Variants in USH2A observed in about 807,000 individuals in gnomAD.
USH2A encodes the protein Usher syndrome 2A (autosomal recessive, mild).
USH2A carries 443 observed loss-of-function variants against 538.9 expected under a neutral mutation model. The observed-to-expected ratio is 0.82, with a 90% CI of 0.76 to 0.89. USH2A has a LOEUF of 0.89. Ranked by LOEUF, USH2A falls within the 40% of genes least tolerant of loss-of-function variation. The pLI, the probability that USH2A is intolerant of heterozygous loss-of-function variation, is 0.00. For missense variants in USH2A, 6,633 were observed against 6,324.8 expected (o/e 1.05, Z -1.65); for synonymous variants, 2,413 against 2,273.5 (o/e 1.06, Z -1.75).
chr1:216,300,951 T>C (rs2102622288), intron 9 of USH2A, among the ~76,000 whole-genome samples: 1 of 152,072 alleles, frequency 6.6e-6, no homozygotes, highest in East Asian at 1.9e-4. Flanking sequence ...GGTTTCACCT[T>C]GTTGCCCAGG....
intron 41 of USH2A, among the ~76,000 whole-genome samples, chr1:215,884,667 G>T (rs555208853): frequency 6.6e-6 from 1 of 152,098 alleles, no homozygotes; most frequent in Non-Finnish European, 1.5e-5. Flanking sequence ...TTTGTCTGTG[G>T]TTTATTTTAA....
intron 5 of USH2A, 45 bp downstream of exon 5, chr1:216,327,546 T>C (rs1217905050): frequency 1.2e-6 from 2 of 1,602,774 alleles, no homozygotes; most frequent in South Asian, 2.2e-5. Flanking sequence ...GAATTCAGCA[T>C]TTATCCTTTC....
At chr1:215,885,301 A>G (rs140494019) in intron 41 of USH2A, among the ~76,000 whole-genome samples, 1,700 of 152,100 alleles carry the variant, frequency 0.011, 18 homozygotes, top group Middle Eastern at 0.027. Flanking sequence ...TTGATGTTGA[A>G]CCATCCTTAC....
intron 9 of USH2A, among the ~76,000 whole-genome samples, chr1:216,299,270 TA>T (rs895651774): frequency 0.05 from 7,040 of 140,334 alleles, 490 homozygotes; most frequent in African/African-American, 0.16. Flanking sequence ...TTCCAATTCC[TA>T]AAAAAAAAAA....
chr1:216,181,014 C>G (rs543700319), intron 20 of USH2A, among the ~76,000 whole-genome samples: 5 of 152,242 alleles, frequency 3.3e-5, no homozygotes, highest in African/African-American at 1.2e-4. Flanking sequence ...CCGAAACTCT[C>G]AGGGGTGACT....
intron 69 of USH2A, among the ~76,000 whole-genome samples, chr1:215,635,963 G>A (rs1656468519): frequency 6.6e-6 from 1 of 151,836 alleles, no homozygotes; most frequent in African/African-American, 2.4e-5. Flanking sequence ...GCTAAGCAGG[G>A]GTGCGGCAGG....
intron 11 of USH2A, among the ~76,000 whole-genome samples, chr1:216,288,836 G>A (rs990175184): frequency 6.6e-6 from 1 of 152,156 alleles, no homozygotes; most frequent in Non-Finnish European, 1.5e-5. Flanking sequence ...GTACTTTTAA[G>A]AGGGAAAGTT....
chr1:215,729,691 T>G (rs1010845178), intron 60 of USH2A, among the ~76,000 whole-genome samples: 4 of 152,206 alleles, frequency 2.6e-5, no homozygotes, highest in Non-Finnish European at 5.9e-5. Flanking sequence ...AGTGCATTGA[T>G]GCAATCATGG....
intron 9 of USH2A, among the ~76,000 whole-genome samples, chr1:216,318,801 C>A (rs1276331609): frequency 6.6e-6 from 1 of 152,116 alleles, no homozygotes; most frequent in African/African-American, 2.4e-5. Context: ...AGTTCATAAT[C>A]CAACATTCAC....
At chr1:215,640,772 C>A (rs1256949106) in intron 67 of USH2A, 38 bp from the exon 68 acceptor site, 2 of 1,601,738 alleles carry the variant, frequency 1.2e-6, no homozygotes, top group East Asian at 4.5e-5. Flanking sequence ...AAAGGGTAAC[C>A]TCTTTGAAGG....
chr1:215,836,076 T>C (rs1212476151), intron 47 of USH2A, among the ~76,000 whole-genome samples: 1 of 152,104 alleles, frequency 6.6e-6, no homozygotes, highest in African/African-American at 2.4e-5. Flanking sequence ...TTATAAAGCT[T>C]AGACGTTATT....
chr1:216,146,578 G>T (rs914459596), intron 21 of USH2A, among the ~76,000 whole-genome samples: 6 of 152,042 alleles, frequency 3.9e-5, no homozygotes, highest in Non-Finnish European at 5.9e-5. Flanking sequence ...GGCAAGTCCC[G>T]CTTTCCTAGG....
At chr1:216,174,572 A>T in intron 21 of USH2A, 4 of 981,960 alleles carry the variant, frequency 4.1e-6, no homozygotes, top group Non-Finnish European at 4.8e-6. Flanking sequence ...TTTTAAAAAT[A>T]TTGCATTAAA....
intron 32 of USH2A, among the ~76,000 whole-genome samples, chr1:216,017,088 C>T (rs1668729800): frequency 6.6e-6 from 1 of 152,014 alleles, no homozygotes; most frequent in Admixed American, 6.6e-5. Context: ...AATATTGAAC[C>T]CAGGATTTTT....
At chr1:216,147,132 T>G (rs1470058706) in intron 21 of USH2A, among the ~76,000 whole-genome samples, 3 of 151,482 alleles carry the variant, frequency 2.0e-5, no homozygotes, top group Non-Finnish European at 4.4e-5. Context: ...CTTTCCCTCC[T>G]GCCTGTCCCC....
rs1460250943 is a variant in USH2A at position 215,844,332 on chromosome 1, G to A, written c.9220C>T (p.Leu3074=). 6.2e-6 allele frequency: 10 copies of A among 1,613,592 alleles called. No homozygotes were observed. The highest frequency in any genetic ancestry group is 8.5e-6 in the Non-Finnish European group (10 of 1,179,812). The change falls in exon 46 of 72, where the codon CTG becomes TTG. Residue 3074 remains leucine (L), a synonymous_variant. Coordinates refer to ENST00000307340, the MANE Select transcript of USH2A (RefSeq NM_206933.4). The part of the protein sequence containing the change: ...TGMNVPGSFI[L]RDLSPFTIYD... ...ATAGTGAAGGGAGACAGGTCTCTCA[G>A]AATAAACGACCCAGGCACATTCATT...
chr1:215,698,898 C>G (rs1405851870), intron 61 of USH2A, among the ~76,000 whole-genome samples: 1 of 152,144 alleles, frequency 6.6e-6, no homozygotes, highest in Non-Finnish European at 1.5e-5. Context: ...GGTCTTTGCC[C>G]ATGCCTATGT....
chr1:215,640,809 A>G (rs1656655708), intron 67 of USH2A, 75 bp from the exon 68 acceptor site: 1 of 1,486,006 alleles, frequency 6.7e-7, no homozygotes, highest in South Asian at 1.2e-5. Context: ...TTAAAAAAAA[A>G]AAATATGAGC....
At chr1:216,303,918 A>G (rs2037264189) in intron 9 of USH2A, among the ~76,000 whole-genome samples, 1 of 152,020 alleles carries the variant, frequency 6.6e-6, no homozygotes, top group Non-Finnish European at 1.5e-5. Context: ...AAAACTATAA[A>G]TGTACACAGT....
Sources: allele counts gnomAD v4.1 joint callset (sites outside exome capture counted in the v4.1 genomes callset), GRCh38; gene constraint gnomAD v4.1.1; transcripts MANE v1.5; gene names NCBI Gene and HGNC (gene_info 2026-07-23, HGNC 2026-07-21).